Variants in CDK8 observed in about 807,000 individuals in gnomAD.
CDK8 encodes the protein cyclin dependent kinase 8, also known as cyclin-dependent kinase 8.
A neutral mutation model predicts 71.5 loss-of-function variants in CDK8; 29 were observed. The ratio of observed to expected loss-of-function variants is 0.41; its 90% CI spans 0.30 to 0.55. The LOEUF is 0.55. Ranked by LOEUF, CDK8 falls within the 20% of genes least tolerant of loss-of-function variation. CDK8 has a pLI of 0.37. For missense variants in CDK8, 288 were observed against 572.6 expected (o/e 0.50, Z 5.07); for synonymous variants, 161 against 192.1 (o/e 0.84, Z 1.34).
At chr13:26,360,128 A>G (rs971097306) in intron 4 of CDK8, among the ~76,000 whole-genome samples, 10 of 152,308 alleles carry the variant, frequency 6.6e-5, no homozygotes, top group African/African-American at 2.4e-4. Context: ...AAGTCAGTTA[A>G]TATTTCTTTT....
At chr13:26,375,724 T>C (rs1297897023) in intron 4 of CDK8, among the ~76,000 whole-genome samples, 2 of 152,262 alleles carry the variant, frequency 1.3e-5, no homozygotes, top group Non-Finnish European at 2.9e-5. Context: ...ATGGAGCATC[T>C]ATGGCTGTAG....
intron 1 of CDK8, among the ~76,000 whole-genome samples, chr13:26,264,692 C>G (rs1871944980): frequency 6.6e-6 from 1 of 152,100 alleles, no homozygotes; most frequent in African/African-American, 2.4e-5. Context: ...TAATCTATAT[C>G]TGCACCCTTT....
intron 7 of CDK8, 156 bp from the exon 8 acceptor site, chr13:26,396,129 C>T: frequency 2.7e-6 from 1 of 374,400 alleles, no homozygotes; most frequent in East Asian, 4.1e-5. Flanking sequence ...GTTTACACTT[C>T]AAGATATTTA....
chr13:26,275,130 C>T (rs928843379), intron 1 of CDK8, among the ~76,000 whole-genome samples: 1 of 152,092 alleles, frequency 6.6e-6, no homozygotes, highest in Admixed American at 6.6e-5. Context: ...CTGTGTTAGT[C>T]CATTGATCTG....
intron 4 of CDK8, among the ~76,000 whole-genome samples, chr13:26,364,805 G>A (rs1219719916): frequency 6.6e-6 from 1 of 152,116 alleles, no homozygotes; most frequent in Non-Finnish European, 1.5e-5. Context: ...AGAGGCATTA[G>A]TAAATTCTTC....
At chr13:26,261,931 A>G (rs994132152) in intron 1 of CDK8, among the ~76,000 whole-genome samples, 1 of 152,178 alleles carries the variant, frequency 6.6e-6, no homozygotes, top group African/African-American at 2.4e-5. Flanking sequence ...TGACTAGTCT[A>G]TTTTATTCCA....
Position 26,360,312 on chromosome 13 carries a change from A to T in CDK8, c.456+6432A>T, listed in dbSNP as rs140501699. On this transcript the variant is annotated intron_variant, in intron 4 of 12. Coordinates refer to ENST00000381527, the MANE Select transcript of CDK8 (RefSeq NM_001260.3). ...CTCTACAAAAAGAAAATTGAAACACATTGTCAAATATGCTGGTATTTGTGA... is the reference window on the plus strand; with the variant it reads ...CTCTACAAAAAGAAAATTGAAACACTTTGTCAAATATGCTGGTATTTGTGA... Among the ~76,000 whole-genome samples, 8 of 152,128 alleles carry T rather than the reference A, an allele frequency of 5.3e-5. No individual in the cohort carries two copies. In the South Asian group the frequency reaches 1.5e-3, roughly 28 times the overall value.
chr13:26,399,885 T>C (rs979814413), intron 9 of CDK8, among the ~76,000 whole-genome samples: 1 of 152,252 alleles, frequency 6.6e-6, no homozygotes, highest in Non-Finnish European at 1.5e-5. Flanking sequence ...CACACAGCTC[T>C]GTACTTTGTA....
chr13:26,390,333 A>C (rs769251068), intron 6 of CDK8, among the ~76,000 whole-genome samples: 2 of 152,304 alleles, frequency 1.3e-5, no homozygotes, highest in East Asian at 1.9e-4. Context: ...TAGGGAAAAA[A>C]ATCTGATCAG....
At chr13:26,321,694 G>T (rs2044134411) in intron 1 of CDK8, among the ~76,000 whole-genome samples, 1 of 152,022 alleles carries the variant, frequency 6.6e-6, no homozygotes, top group Admixed American at 6.6e-5. Flanking sequence ...TGGGCAGTCA[G>T]TGAGCTAAGT....
At chr13:26,390,270 A>G (rs1021275187) in intron 6 of CDK8, among the ~76,000 whole-genome samples, 1 of 152,188 alleles carries the variant, frequency 6.6e-6, no homozygotes, top group Non-Finnish European at 1.5e-5. Context: ...AATACATTCC[A>G]TTTAATGAAG....
chr13:26,282,207 A>C (rs1872781401), intron 1 of CDK8, among the ~76,000 whole-genome samples: 1 of 152,198 alleles, frequency 6.6e-6, no homozygotes, highest in African/African-American at 2.4e-5. Flanking sequence ...AAATACAAGA[A>C]GCTAAAGGAA....
chr13:26,388,685 A>G (rs772534569), intron 6 of CDK8, among the ~76,000 whole-genome samples: 2 of 152,188 alleles, frequency 1.3e-5, no homozygotes, highest in Non-Finnish European at 2.9e-5. Flanking sequence ...TCTTATTGGA[A>G]ACATTAAGAT....
At chr13:26,291,614 A>G (rs1168939741) in intron 1 of CDK8, among the ~76,000 whole-genome samples, 1 of 152,218 alleles carries the variant, frequency 6.6e-6, no homozygotes, top group Non-Finnish European at 1.5e-5. Flanking sequence ...ACAAGAAGCA[A>G]GGACTTTCAG....
chr13:26,293,385 C>G (rs1311191170), intron 1 of CDK8, among the ~76,000 whole-genome samples: 1 of 151,920 alleles, frequency 6.6e-6, no homozygotes, highest in South Asian at 2.1e-4. Context: ...GGTGGATTGC[C>G]TGAGCTCAGG....
chr13:26,288,567 T>C (rs973225911), intron 1 of CDK8, among the ~76,000 whole-genome samples: 3 of 151,952 alleles, frequency 2.0e-5, no homozygotes, highest in African/African-American at 7.3e-5. Flanking sequence ...TAGAATTTGC[T>C]TATAAATTTC....
chr13:26,370,635 G>A (rs142732056), intron 4 of CDK8, among the ~76,000 whole-genome samples: 1 of 152,246 alleles, frequency 6.6e-6, no homozygotes, highest in East Asian at 1.9e-4. Flanking sequence ...AAACAGTCAC[G>A]ATACAGGATT....
At chr13:26,263,891 C>G (rs368806121) in intron 1 of CDK8, among the ~76,000 whole-genome samples, 35 of 151,984 alleles carry the variant, frequency 2.3e-4, no homozygotes, top group African/African-American at 7.7e-4. Flanking sequence ...GGACTACAGG[C>G]GCCCGCCACT....
At chr13:26,314,881 A>G (rs935010985) in intron 1 of CDK8, among the ~76,000 whole-genome samples, 3 of 152,194 alleles carry the variant, frequency 2.0e-5, no homozygotes, top group African/African-American at 7.2e-5. Context: ...GGTCTTTTAT[A>G]CAATATTTGT....
Sources: gnomAD v4.1 joint callset for allele counts (sites outside exome capture counted in the v4.1 genomes callset) on GRCh38, gnomAD v4.1.1 for gene constraint, MANE v1.5 for transcripts, NCBI Gene and HGNC (gene_info 2026-07-23, HGNC 2026-07-21) for gene names.